The following ANO3 variants were observed in gnomAD, a reference collection of about 807,000 sequenced individuals.
ANO3 encodes the protein anoctamin 3, also known as anoctamin-3.
In ANO3, 99 loss-of-function variants were observed where a neutral mutation model predicts 144.8. The observed-to-expected ratio is 0.68, with a 90% CI of 0.58 to 0.81. The LOEUF (loss-of-function observed/expected upper bound fraction) is 0.81. Among genes scored for constraint, ANO3 ranks in the 30% least tolerant of loss-of-function variants. The pLI is 0.00. For missense variants in ANO3, 905 were observed against 1,202.2 expected (o/e 0.75, Z 3.66); for synonymous variants, 414 against 392.6 (o/e 1.05, Z -0.64).
rs928597736 is a variant in ANO3, at chr11:26,592,747, C to T, written c.1448-5618C>T. Among the ~76,000 whole-genome samples, 35 of 151,672 alleles carry T rather than the reference C, an allele frequency of 2.3e-4. 1 individual carries two copies. The highest frequency in any genetic ancestry group is 8.5e-4 in the African/African-American group (35 of 41,254). ...GTCCAGTAAATAATGTTTTGGCCAT[C>T]TGATGGGTGCTATCAATGCCTAAGT... On this transcript the variant is annotated intron_variant, in intron 14 of 26. Coordinates refer to ENST00000256737, the MANE Select transcript of ANO3 (RefSeq NM_031418.4).
At chr11:26,571,414 T>C (rs184152804) in intron 14 of ANO3, among the ~76,000 whole-genome samples, 23 of 152,302 alleles carry the variant, frequency 1.5e-4, no homozygotes, top group African/African-American at 5.5e-4. Flanking sequence ...TTTTCTGTAG[T>C]AACTGATGTA....
At chr11:26,268,256 T>G (rs962413832) in intron 1 of ANO3, among the ~76,000 whole-genome samples, 1 of 152,174 alleles carries the variant, frequency 6.6e-6, no homozygotes, top group Non-Finnish European at 1.5e-5. Flanking sequence ...CGAAAGAAAG[T>G]CTAAGTTTAT....
At chr11:26,219,911 C>A (rs377284600) in intron 1 of ANO3, among the ~76,000 whole-genome samples, 21 of 152,272 alleles carry the variant, frequency 1.4e-4, no homozygotes, top group African/African-American at 5.1e-4. Context: ...GATTTTACAC[C>A]CTGAGTGCCA....
At chr11:26,248,293 G>A (rs941266942) in intron 1 of ANO3, among the ~76,000 whole-genome samples, 1 of 151,996 alleles carries the variant, frequency 6.6e-6, no homozygotes, top group Non-Finnish European at 1.5e-5. Context: ...AGCCCAGATC[G>A]CGCCACTGCA....
rs1165417095 is a variant in ANO3 at position 26,536,775 on chromosome 11, T to A, written c.977-631T>A. Among the ~76,000 whole-genome samples the A allele has an allele frequency of 1.3e-5, 2 of 152,240 alleles. 1 individual carries two copies. Among genetic ancestry groups the A allele is most frequent in the East Asian group, 3.9e-4 (2 of 5,186 alleles). The stretch of plus-strand genomic sequence containing the variant: ...TGATTGTGCTATAAAAATTAAATGA[T>A]TTATCAGTTTTGGATATGTAATTAT... On this transcript the variant is annotated intron_variant, in intron 9 of 26. Coordinates refer to ENST00000256737, the MANE Select transcript of ANO3 (RefSeq NM_031418.4).
At chr11:26,499,614 T>C (rs1861108944) in intron 4 of ANO3, among the ~76,000 whole-genome samples, 1 of 151,814 alleles carries the variant, frequency 6.6e-6, no homozygotes, top group South Asian at 2.1e-4. Flanking sequence ...CTGGTATCTT[T>C]CTATTCTGTT....
At chr11:26,304,654 G>A (rs1854328161), upstream of ANO3, among the ~76,000 whole-genome samples, 2 of 151,964 alleles carry the variant, frequency 1.3e-5, no homozygotes, top group Admixed American at 1.3e-4. Context: ...CACCATATCA[G>A]TACATATAGA....
intron 7 of ANO3, 117 bp downstream of exon 7, chr11:26,525,796 T>A: frequency 1.4e-6 from 1 of 712,840 alleles, no homozygotes; most frequent in Non-Finnish European, 2.3e-6. Context: ...TTCTATTGAT[T>A]TGTCGAAGAT....
intron 12 of ANO3, among the ~76,000 whole-genome samples, chr11:26,549,506 C>A (rs1477040394): frequency 1.3e-5 from 2 of 151,758 alleles, no homozygotes; most frequent in Non-Finnish European, 2.9e-5. Flanking sequence ...TTGCTTGTTG[C>A]AGGGTAGAAA....
upstream of ANO3, chr11:26,331,736 G>A (rs1855047789): frequency 6.5e-6 from 1 of 153,364 alleles, no homozygotes; most frequent in African/African-American, 2.4e-5. Context: ...AAGCTGGGGT[G>A]GCTTTCTGCC....
intron 1 of ANO3, among the ~76,000 whole-genome samples, chr11:26,392,319 A>G (rs181870566): frequency 1.1e-3 from 160 of 147,498 alleles, no homozygotes; most frequent in African/African-American, 3.5e-3. Context: ...TTTACACTGT[A>G]TTTAGAGTAT....
chr11:26,473,750 A>G (rs1433070028), intron 4 of ANO3, among the ~76,000 whole-genome samples: 1 of 151,954 alleles, frequency 6.6e-6, no homozygotes, highest in African/African-American at 2.4e-5. Flanking sequence ...CACTGACGTT[A>G]TATGATTAAA....
At chr11:26,453,082 CTAAACATGGAAA>C (rs1565033836) in intron 3 of ANO3, among the ~76,000 whole-genome samples, 1 of 151,978 alleles carries the variant, frequency 6.6e-6, no homozygotes, top group Non-Finnish European at 1.5e-5. Context: ...GAAGGAAGCA[CTAAACATGGAAA>C]GGAACAACCG....
At chr11:26,511,631 T>G (rs765510518) in intron 5 of ANO3, among the ~76,000 whole-genome samples, 1 of 152,166 alleles carries the variant, frequency 6.6e-6, no homozygotes, top group Non-Finnish European at 1.5e-5. Flanking sequence ...CTAAATGGCT[T>G]GCAACAAGGG....
In ANO3 at chr11:26,483,662, C is replaced by A. The variant is rs369976930; in HGVS notation, c.432+20514C>A. On this transcript the variant is annotated intron_variant, in intron 4 of 26. Coordinates refer to ENST00000256737, the MANE Select transcript of ANO3 (RefSeq NM_031418.4). ...TAAACCTCTGTTCTTTATAAATTAC[C>A]CAGTCTCAGATAGTTCTTTATAGCA... Among the ~76,000 whole-genome samples, 300 of 152,226 alleles carry A rather than the reference C, an allele frequency of 2.0e-3. 8 individuals carry two copies. The South Asian group carries it at 0.058, about 29-fold the overall frequency.
intron 1 of ANO3, among the ~76,000 whole-genome samples, chr11:26,321,296 A>G (rs1854754618): frequency 6.6e-6 from 1 of 152,008 alleles, no homozygotes; most frequent in Non-Finnish European, 1.5e-5. Flanking sequence ...ACATTTTTAC[A>G]TCCCCTACTC....
chr11:26,269,582 G>A (rs890007744), intron 1 of ANO3, among the ~76,000 whole-genome samples: 1 of 152,136 alleles, frequency 6.6e-6, no homozygotes, highest in African/African-American at 2.4e-5. Flanking sequence ...TTAAAGACTT[G>A]ACTGATTCCT....
rs567856316 is a variant in ANO3 at position 26,347,781 on chromosome 11, T to C, written c.46+15460T>C. Among the ~76,000 whole-genome samples, 4 of 152,362 alleles carry C rather than the reference T, an allele frequency of 2.6e-5. No homozygotes were observed. The South Asian group carries it at 8.3e-4, about 32-fold the overall frequency. ...CAAAAAAGTTTGGAATAGCATCTTATGATGTAGTTACAAAACTAATCAGTA... is the reference window on the plus strand; with the variant it reads ...CAAAAAAGTTTGGAATAGCATCTTACGATGTAGTTACAAAACTAATCAGTA... On this transcript the variant is annotated intron_variant, in intron 1 of 26. Coordinates refer to ENST00000256737, the MANE Select transcript of ANO3 (RefSeq NM_031418.4).
intron 20 of ANO3, 132 bp downstream of exon 20, chr11:26,635,202 AG>A: frequency 1.4e-6 from 1 of 708,508 alleles, no homozygotes; most frequent in Non-Finnish European, 2.3e-6. Context: ...TTGTTCAGAA[AG>A]GAAGCAACTA....
Sources: allele counts gnomAD v4.1 joint callset (sites outside exome capture counted in the v4.1 genomes callset), GRCh38; gene constraint gnomAD v4.1.1; transcripts MANE v1.5; gene names NCBI Gene and HGNC (gene_info 2026-07-23, HGNC 2026-07-21).